The following ANO5 variants were observed in gnomAD, a reference collection of about 807,000 sequenced individuals.
ANO5 encodes anoctamin 5, also known as anoctamin-5.
Under a neutral mutation model 121.0 loss-of-function variants are expected in ANO5, and 109 were observed. That is an observed-to-expected ratio of 0.90 (90% CI 0.77 to 1.06). The LOEUF (loss-of-function observed/expected upper bound fraction) is 1.06. ANO5 is among the 50% of genes least tolerant of loss of function. ANO5 has a pLI of 0.00. For synonymous variants in ANO5, 406 were observed against 359.9 expected, an observed-to-expected ratio of 1.13 and a Z score of -1.45; for missense variants, 1,064 against 1,078.5, an observed-to-expected ratio of 0.99 and a Z score of 0.19.
chr11:22,237,070 A>T (rs1394503586), intron 8 of ANO5, among the ~76,000 whole-genome samples: 1 of 152,140 alleles, frequency 6.6e-6, no homozygotes, highest in Non-Finnish European at 1.5e-5. Context: ...TGGCAGTGGA[A>T]ATCCTGGGGC....
At chr11:22,194,906 A>C (rs1256653203) in intron 1 of ANO5, among the ~76,000 whole-genome samples, 1 of 152,202 alleles carries the variant, frequency 6.6e-6, no homozygotes, top group East Asian at 1.9e-4. Flanking sequence ...TTGATGTATC[A>C]GTTTTCATAT....
At chr11:22,223,473 C>T (rs1348019353) in intron 5 of ANO5, among the ~76,000 whole-genome samples, 1 of 151,986 alleles carries the variant, frequency 6.6e-6, no homozygotes, top group African/African-American at 2.4e-5. Flanking sequence ...CACCTTCTGC[C>T]TAGCACATAC....
chr11:22,193,869 T>C (rs1851731155), intron 1 of ANO5, among the ~76,000 whole-genome samples: 1 of 152,160 alleles, frequency 6.6e-6, no homozygotes, highest in Non-Finnish European at 1.5e-5. Context: ...AGCGCTGCAG[T>C]GCTTGGGTCT....
chr11:22,269,478 AGAAAGGAAAGAAAAAAGAAAAGGAAG>A (rs1468722596), intron 17 of ANO5, among the ~76,000 whole-genome samples: 37 of 36,654 alleles, frequency 1.0e-3, no homozygotes, highest in African/African-American at 5.8e-3. Context: ...AAAAAAGAAA[AGAAAGGAAAGAAAAAAGAAAAGGAAG>A]GAAAGAAAAA....
chr11:22,253,529 G>GTA (rs1267189712), intron 12 of ANO5, among the ~76,000 whole-genome samples: 3 of 152,022 alleles, frequency 2.0e-5, no homozygotes, highest in African/African-American at 7.2e-5. Context: ...TTCTATTGTA[G>GTA]TATAAACAAA....
chr11:22,211,258 T>C lies in ANO5; in HGVS notation c.88-6T>C. The C allele has an allele frequency of 1.2e-6, 2 of 1,611,952 alleles. No individual in the cohort carries two copies. The highest frequency in any genetic ancestry group is 1.7e-6 in the Non-Finnish European group (2 of 1,178,470). ...ATAGCATTATATCTTCCCCTGGTACTGTTAGCAGAGCCTGAGCAGCAGAGA... is the reference window on the plus strand; with the variant it reads ...ATAGCATTATATCTTCCCCTGGTACCGTTAGCAGAGCCTGAGCAGCAGAGA... On this transcript the variant is annotated splice_polypyrimidine_tract_variant and splice_region_variant and intron_variant, in intron 2 of 21. Coordinates refer to ENST00000324559, the MANE Select transcript of ANO5 (RefSeq NM_213599.3).
Position 22,270,300 on chromosome 11 carries a change from C to G in ANO5, c.1899-12C>G, listed in dbSNP as rs1854559704. The G allele has an allele frequency of 1.2e-6, 2 of 1,613,876 alleles. No homozygotes were observed. The highest frequency in any genetic ancestry group is 2.7e-5 in the African/African-American group (2 of 74,918). Reference sequence around the variant, plus strand: ...TCCTATTTCATATATTAACTTTTATCACTTCCAACAGCTTGGCTTTGAATT... The same window carrying G: ...TCCTATTTCATATATTAACTTTTATGACTTCCAACAGCTTGGCTTTGAATT... On this transcript the variant is annotated splice_polypyrimidine_tract_variant and intron_variant, in intron 17 of 21. Coordinates refer to ENST00000324559, the MANE Select transcript of ANO5 (RefSeq NM_213599.3).
At chr11:22,216,259 G>C (rs1852438707) in intron 3 of ANO5, among the ~76,000 whole-genome samples, 1 of 151,836 alleles carries the variant, frequency 6.6e-6, no homozygotes, top group African/African-American at 2.4e-5. Flanking sequence ...ATGTAAAACT[G>C]TCACACTATT....
chr11:22,250,596 G>A, intron 10 of ANO5, 145 bp from the exon 11 acceptor site: 1 of 1,025,924 alleles, frequency 9.7e-7, no homozygotes, highest in Non-Finnish European at 1.5e-6. Context: ...CTCAAAGCAT[G>A]ACTTGACCCA....
intron 4 of ANO5, among the ~76,000 whole-genome samples, chr11:22,220,114 TA>T (rs1160066826): frequency 6.6e-6 from 1 of 151,646 alleles, no homozygotes; most frequent in Non-Finnish European, 1.5e-5. Flanking sequence ...CTGACTTGGG[TA>T]AAAAAATCCC....
At position 22,279,560 on chromosome 11, in the gene ANO5, T is replaced by G; in HGVS notation, c.2537T>G (p.Val846Gly). ...IIVMEHVVFLVKFLLAWMIPD... is the reference protein window; with the variant it reads ...IIVMEHVVFLGKFLLAWMIPD... Reference sequence around the variant, plus strand: ...TTCCTCTAGCATGTTGTGTTTTTAGTTAAATTTTTGCTGGCCTGGATGATA... The same window carrying G: ...TTCCTCTAGCATGTTGTGTTTTTAGGTAAATTTTTGCTGGCCTGGATGATA... Residue 846 changes from valine to glycine, a missense_variant, in exon 22 of 22, where the codon GTT (valine) becomes GGT (glycine). Val to Gly is a moderately radical substitution (Grantham distance 109). Transcript: ENST00000324559. 5 of 1,612,254 alleles carry G rather than the reference T, an allele frequency of 3.1e-6. No individual in the cohort carries two copies. Among genetic ancestry groups the G allele is most frequent in the Non-Finnish European group, 4.2e-6 (5 of 1,178,782 alleles).
At chr11:22,205,993 C>T (rs1006397005) in intron 2 of ANO5, among the ~76,000 whole-genome samples, 2 of 152,054 alleles carry the variant, frequency 1.3e-5, no homozygotes, top group African/African-American at 4.8e-5. Flanking sequence ...CCTGAAAGAC[C>T]TCTTCAGGCT....
chr11:22,221,932 C>G (rs939892029), intron 5 of ANO5, among the ~76,000 whole-genome samples: 11 of 151,936 alleles, frequency 7.2e-5, no homozygotes, highest in Non-Finnish European at 5.9e-5. Flanking sequence ...CATACATATA[C>G]AGGTCTGTCC....
At chr11:22,249,768 C>CTACAATGCGGTCAGAGAAATGTTTTCT (rs1853739223) in intron 9 of ANO5, among the ~76,000 whole-genome samples, 1 of 152,066 alleles carries the variant, frequency 6.6e-6, no homozygotes, top group African/African-American at 2.4e-5. Context: ...AAATGTATAT[C>CTACAATGCGGTCAGAGAAATGTTTTCT]TACAATGCGG....
intron 8 of ANO5, among the ~76,000 whole-genome samples, chr11:22,237,682 A>T (rs1218698449): frequency 6.6e-6 from 1 of 152,168 alleles, no homozygotes; most frequent in African/African-American, 2.4e-5. Context: ...AACACTGATT[A>T]GTTTTTCTGT....
chr11:22,258,122 G>A (rs1004048564), intron 14 of ANO5, among the ~76,000 whole-genome samples: 8 of 151,996 alleles, frequency 5.3e-5, no homozygotes, highest in Admixed American at 1.3e-4. Context: ...CTTATTTCCT[G>A]CTCTTCCTTT....
Position 22,282,849 on chromosome 11 carries a change from ACT to A in ANO5, c.*3090_*3091del, listed in dbSNP as rs1314732271. 6.6e-6 allele frequency: 1 copy of A among 152,054 alleles called. No individual in the cohort carries two copies. Among genetic ancestry groups the A allele is most frequent in the Non-Finnish European group, 1.5e-5 (1 of 67,990 alleles). The allele number at this position is 152,054 out of a possible 1,614,324, so 9.4% of individuals were successfully genotyped here. On this transcript the variant is annotated 3_prime_UTR_variant, in exon 22 of 22. Coordinates refer to ENST00000324559, the MANE Select transcript of ANO5 (RefSeq NM_213599.3). ...AAGGGAATCTATTGTTTTGAAAGAA[ACT>A]CTCTCATATTTCCTTTAAATTGTTA...
intron 2 of ANO5, among the ~76,000 whole-genome samples, chr11:22,206,191 A>AT (rs1424685182): frequency 1.3e-5 from 2 of 152,160 alleles, no homozygotes; most frequent in African/African-American, 2.4e-5. Context: ...TAAAAGTTGG[A>AT]TCCCTCATGT....
chr11:22,269,483 GGAAAGAAAAAAGAAAAGGAAGGAAA>G (rs1220195054), intron 17 of ANO5, among the ~76,000 whole-genome samples: 3 of 10,592 alleles, frequency 2.8e-4, no homozygotes, highest in African/African-American at 5.0e-4. Flanking sequence ...AGAAAAGAAA[GGAAAGAAAAAAGAAAAGGAAGGAAA>G]GAAAAAAAGA....
Sources: gnomAD v4.1 joint callset for allele counts (sites outside exome capture counted in the v4.1 genomes callset) on GRCh38, gnomAD v4.1.1 for gene constraint, MANE v1.5 for transcripts, NCBI Gene and HGNC (gene_info 2026-07-23, HGNC 2026-07-21) for gene names.